The following COL19A1 variants were observed in gnomAD, a reference collection of about 807,000 sequenced individuals.
COL19A1 encodes collagen alpha-1(XIX) chain.
COL19A1 carries 159 observed loss-of-function variants against 190.2 expected under a neutral mutation model. That is an observed-to-expected ratio of 0.84 (90% CI 0.73 to 0.95). The LOEUF is 0.95. Among genes scored for constraint, COL19A1 ranks in the 40% least tolerant of loss-of-function variants. The pLI is 0.00. For synonymous variants in COL19A1, 509 were observed against 458.9 expected (o/e 1.11, Z -1.39); for missense variants, 1,418 against 1,431.9 (o/e 0.99, Z 0.16).
chr6:69,911,414 T>C (rs1305475413), intron 4 of COL19A1, among the ~76,000 whole-genome samples: 2 of 152,244 alleles, frequency 1.3e-5, no homozygotes, highest in Non-Finnish European at 2.9e-5. Flanking sequence ...GGTGACATTT[T>C]AATAATTTTA....
intron 11 of COL19A1, among the ~76,000 whole-genome samples, chr6:70,008,689 G>T (rs1215965849): frequency 6.6e-6 from 1 of 151,652 alleles, no homozygotes; most frequent in Admixed American, 6.6e-5. Context: ...ATTTTATGAG[G>T]CCAATATTAC....
At chr6:70,078,161 T>C (rs1782006816) in intron 15 of COL19A1, among the ~76,000 whole-genome samples, 2 of 151,954 alleles carry the variant, frequency 1.3e-5, no homozygotes, top group South Asian at 2.1e-4. Flanking sequence ...GAGAAGAAAA[T>C]AAGCAAAAAC....
At chr6:70,076,066 T>A (rs1201894333) in intron 15 of COL19A1, among the ~76,000 whole-genome samples, 1 of 152,154 alleles carries the variant, frequency 6.6e-6, no homozygotes, top group Non-Finnish European at 1.5e-5. Context: ...TGGGGACTCC[T>A]TCAAACTGGA....
At chr6:70,006,640 T>C (rs1240379609) in intron 11 of COL19A1, among the ~76,000 whole-genome samples, 1 of 152,234 alleles carries the variant, frequency 6.6e-6, no homozygotes, top group Non-Finnish European at 1.5e-5. Context: ...ATGACTATAA[T>C]TGTATTTGTC....
intron 2 of COL19A1, among the ~76,000 whole-genome samples, chr6:69,895,365 C>G (rs1769652890): frequency 6.6e-6 from 1 of 152,248 alleles, no homozygotes; most frequent in African/African-American, 2.4e-5. Flanking sequence ...TCACTCACCA[C>G]TTCTTGAGCT....
chr6:70,192,533 G>T (rs16868641), intron 48 of COL19A1, among the ~76,000 whole-genome samples: 3 of 149,820 alleles, frequency 2.0e-5, no homozygotes, highest in African/African-American at 7.4e-5. Context: ...ATCAAACATT[G>T]TGGACTAGAC....
intron 7 of COL19A1, among the ~76,000 whole-genome samples, chr6:69,935,140 A>G (rs1773015485): frequency 6.6e-6 from 1 of 152,076 alleles, no homozygotes; most frequent in Non-Finnish European, 1.5e-5. Context: ...ATGAAGAACA[A>G]ATATTAAGAG....
At chr6:69,884,180 T>C (rs1001470792) in intron 2 of COL19A1, among the ~76,000 whole-genome samples, 2 of 151,768 alleles carry the variant, frequency 1.3e-5, no homozygotes, top group Admixed American at 6.6e-5. Context: ...ACTAAAAATA[T>C]AAAAATTAGC....
At chr6:70,101,443 T>G (rs185445911) in intron 15 of COL19A1, among the ~76,000 whole-genome samples, 6 of 152,186 alleles carry the variant, frequency 3.9e-5, no homozygotes, top group Non-Finnish European at 5.9e-5. Flanking sequence ...GCGATTGGAA[T>G]TTAGCTAGTT....
chr6:70,199,063 A>T (rs1767388045), intron 48 of COL19A1, among the ~76,000 whole-genome samples: 1 of 152,196 alleles, frequency 6.6e-6, no homozygotes, highest in South Asian at 2.1e-4. Flanking sequence ...GGAAGCCACG[A>T]TGTCTTTTAT....
At chr6:70,096,216 G>A (rs898455482) in intron 15 of COL19A1, among the ~76,000 whole-genome samples, 13 of 151,570 alleles carry the variant, frequency 8.6e-5, no homozygotes, top group Non-Finnish European at 1.3e-4. Flanking sequence ...TCAGTAGTTG[G>A]GACTACAGGC....
chr6:70,138,670 C>T (rs1786036808), intron 19 of COL19A1, among the ~76,000 whole-genome samples: 1 of 152,076 alleles, frequency 6.6e-6, no homozygotes, highest in Admixed American at 6.6e-5. Flanking sequence ...GCCAAATTTT[C>T]CCTATGCTTC....
Position 70,142,791 on chromosome 6 carries a change from A to G in COL19A1, c.1597A>G (p.Met533Val). The G allele has an allele frequency of 6.2e-7, 1 of 1,612,532 alleles. No individual in the cohort carries two copies. The highest frequency in any genetic ancestry group is 8.5e-7 in the Non-Finnish European group (1 of 1,179,094). ...LKGQQGSAGS[M>V]GPRGPPGDVG... ...GGGTCAGCAAGGATCTGCAGGCTCCATGGGACCCAGAGGACCGCCAGGAGA... is the reference window on the plus strand; with the variant it reads ...GGGTCAGCAAGGATCTGCAGGCTCCGTGGGACCCAGAGGACCGCCAGGAGA... The change falls in exon 23 of 51, where the codon ATG becomes GTG. Residue 533 changes from methionine to valine, a missense_variant. Coordinates refer to ENST00000620364, the MANE Select transcript of COL19A1 (RefSeq NM_001858.6).
chr6:69,994,546 A>C (rs1478266605), intron 11 of COL19A1, among the ~76,000 whole-genome samples: 1 of 152,096 alleles, frequency 6.6e-6, no homozygotes, highest in East Asian at 1.9e-4. Flanking sequence ...GATGAGTATA[A>C]AATTTCATCT....
intron 4 of COL19A1, among the ~76,000 whole-genome samples, chr6:69,921,511 TATGTATATTCATATATATTC>T (rs1771917473): frequency 1.0e-5 from 1 of 100,394 alleles, no homozygotes; most frequent in Non-Finnish European, 2.1e-5. Context: ...TATATATTCA[TATGTATATTCATATATATTC>T]ATGTATATTC....
chr6:69,914,989 A>G (rs924284202), intron 4 of COL19A1, among the ~76,000 whole-genome samples: 4 of 152,214 alleles, frequency 2.6e-5, no homozygotes, highest in African/African-American at 9.6e-5. Flanking sequence ...AAGATCAAAC[A>G]GGAAACTGGT....
At chr6:69,967,692 C>A (rs1447594727) in intron 11 of COL19A1, among the ~76,000 whole-genome samples, 5 of 151,948 alleles carry the variant, frequency 3.3e-5, no homozygotes, top group African/African-American at 1.2e-4. Flanking sequence ...TAATCTAGGT[C>A]CTAAAATGCC....
intron 33 of COL19A1, 46 bp downstream of exon 33, chr6:70,156,415 A>C: frequency 6.3e-7 from 1 of 1,584,102 alleles, no homozygotes; most frequent in Non-Finnish European, 8.6e-7. Flanking sequence ...ACCTCAATTT[A>C]GTATGAAAAA....
rs143252227 is a variant in COL19A1, at chr6:69,927,975, C to G, written c.333C>G (p.Asn111Lys). 6.2e-7 allele frequency: 1 copy of G among 1,613,288 alleles called. No homozygotes were observed. ...CTGCCATGTTTCGAGTACGAAGAAA[C>G]GCCAAAAAGGAACGGTGGTTTCTGT... ...SVAAMFRVRRNAKKERWFLWQ... is the reference protein window; with the variant it reads ...SVAAMFRVRRKAKKERWFLWQ... The change falls in exon 5 of 51, where the codon AAC becomes AAG. Residue 111 changes from asparagine (N) to lysine (K), a missense_variant. Coordinates refer to ENST00000620364, the MANE Select transcript of COL19A1 (RefSeq NM_001858.6).
Sources: gnomAD v4.1 joint callset for allele counts (sites outside exome capture counted in the v4.1 genomes callset) on GRCh38, gnomAD v4.1.1 for gene constraint, MANE v1.5 for transcripts, NCBI Gene and HGNC (gene_info 2026-07-23, HGNC 2026-07-21) for gene names.